ZMYM6: variants seen among roughly 807,000 people sequenced by gnomAD.
ZMYM6 encodes zinc finger MYM-type containing 6.
ZMYM6 carries 90 observed loss-of-function variants against 134.0 expected under a neutral mutation model. That is an observed-to-expected ratio of 0.67 (90% CI 0.57 to 0.80). The LOEUF is 0.80. Among genes scored for constraint, ZMYM6 ranks in the 30% least tolerant of loss-of-function variants. The pLI is 0.00. For synonymous variants in ZMYM6, 481 were observed against 524.1 expected (o/e 0.92, Z 1.12); for missense variants, 1,362 against 1,533.9 (o/e 0.89, Z 1.87).
At chr1:35,013,981 C>T (rs1365457663) in intron 6 of ZMYM6, among the ~76,000 whole-genome samples, 6 of 152,150 alleles carry the variant, frequency 3.9e-5, no homozygotes, top group African/African-American at 9.7e-5. Context: ...TGAGCCACCG[C>T]GCCGGCCTTA....
At chr1:34,996,543 G>T (rs1317736189) in intron 14 of ZMYM6, among the ~76,000 whole-genome samples, 1 of 152,048 alleles carries the variant, frequency 6.6e-6, no homozygotes, top group Non-Finnish European at 1.5e-5. Context: ...TGTCTTCCAG[G>T]GATAGTCTAT....
At chr1:35,015,292 A>ATTTT (rs1641161875) in intron 4 of ZMYM6, 130 bp from the exon 5 acceptor site, 1 of 879,846 alleles carries the variant, frequency 1.1e-6, no homozygotes, top group Admixed American at 3.2e-5. Context: ...GGAATCTGCA[A>ATTTT]ACCTGGGTTT....
intron 4 of ZMYM6, 25 bp downstream of exon 4, chr1:35,019,328 A>G: frequency 6.2e-7 from 1 of 1,614,196 alleles, no homozygotes; most frequent in Non-Finnish European, 8.5e-7. Context: ...AGGTAAAGTA[A>G]AAAGGGATGT....
At position 35,010,980 on chromosome 1, in the gene ZMYM6, G is replaced by T. The variant is rs774887252; in HGVS notation, c.1119C>A (p.Gly373=). 10 of 1,613,840 alleles carry T rather than the reference G, an allele frequency of 6.2e-6. No individual in the cohort carries two copies. The highest frequency in any genetic ancestry group is 8.5e-6 in the Non-Finnish European group (10 of 1,179,950). ...TNSSAVPLSQ[G]QVVVSPPSSR... is the part of the protein sequence containing the mutation. ...AGGAGGGCGGGCTTACAACCACTTG[G>T]CCCTGAGACAGGGGCACCGCCGAAG... Residue 373 remains glycine (G), a synonymous_variant, in exon 9 of 16, where the codon GGC becomes GGA. Coordinates refer to ENST00000357182, the MANE Select transcript of ZMYM6 (RefSeq NM_007167.4).
chr1:35,002,433 T>G (rs1338507095), intron 14 of ZMYM6, among the ~76,000 whole-genome samples: 3 of 152,154 alleles, frequency 2.0e-5, no homozygotes, highest in Admixed American at 6.5e-5. Context: ...TAGTAAACCT[T>G]TTGTCTCACT....
chr1:35,009,232 C>A, intron 10 of ZMYM6, among the ~76,000 whole-genome samples: 1 of 152,120 alleles, frequency 6.6e-6, no homozygotes, highest in Non-Finnish European at 1.5e-5. Flanking sequence ...CTGAGTAGAG[C>A]AGCTGGGATT....
intron 4 of ZMYM6, chr1:35,018,212 T>A (rs12562089): frequency 0.059 from 9,024 of 151,890 alleles, 580 homozygotes; most frequent in East Asian, 0.38. Flanking sequence ...GGCATGGTGG[T>A]ATGCGCCTGT....
chr1:35,026,474 A>C (rs972940156), intron 2 of ZMYM6, among the ~76,000 whole-genome samples: 18 of 152,366 alleles, frequency 1.2e-4, no homozygotes, highest in African/African-American at 3.4e-4. Flanking sequence ...TTTCAATCAT[A>C]GTCTATACCC....
chr1:35,020,525 T>A, intron 2 of ZMYM6, 58 bp from the exon 3 acceptor site: 11 of 1,086,410 alleles, frequency 1.0e-5, no homozygotes, highest in Non-Finnish European at 1.4e-5. Flanking sequence ...GTAAGTAAAC[T>A]AGAAATTCAA....
chr1:35,012,141 A>G, intron 7 of ZMYM6, 136 bp from the exon 8 acceptor site: 1 of 645,254 alleles, frequency 1.5e-6, no homozygotes, highest in Non-Finnish European at 2.4e-6. Flanking sequence ...AAAATCTGAA[A>G]TCTAACCACA....
At chr1:35,003,323 A>G (rs1640912956) in intron 14 of ZMYM6, among the ~76,000 whole-genome samples, 1 of 152,230 alleles carries the variant, frequency 6.6e-6, no homozygotes, top group African/African-American at 2.4e-5. Context: ...CAACAATGCC[A>G]TAATTTGCAA....
chr1:35,014,378 G>C (rs1641144538), intron 6 of ZMYM6, among the ~76,000 whole-genome samples: 1 of 152,160 alleles, frequency 6.6e-6, no homozygotes, highest in Non-Finnish European at 1.5e-5. Flanking sequence ...TGAGGCGAGT[G>C]GATGGCTTGA....
chr1:35,006,842 G>T, intron 12 of ZMYM6, 109 bp downstream of exon 12: 1 of 1,063,150 alleles, frequency 9.4e-7, no homozygotes, highest in Non-Finnish European at 1.2e-6. Flanking sequence ...GGAAATTCAG[G>T]CTATTTGAAT....
At chr1:35,006,896 G>A in intron 12 of ZMYM6, 55 bp downstream of exon 12, 1 of 1,470,778 alleles carries the variant, frequency 6.8e-7, no homozygotes, top group Non-Finnish European at 9.1e-7. Flanking sequence ...AACTGTATAT[G>A]CTGATAGTGT....
chr1:35,030,701 G>A lies in ZMYM6; in HGVS notation c.-62C>T. On this transcript the variant is annotated 5_prime_UTR_variant, in exon 2 of 16. Coordinates refer to ENST00000357182, the MANE Select transcript of ZMYM6 (RefSeq NM_007167.4). ...ACGAATAGATTTCTTCTTGGTAATG[G>A]ATAGTTGGACACCTAAAATACATAC... The A allele has an allele frequency of 1.4e-6, 2 of 1,472,228 alleles. No homozygotes were observed. Among genetic ancestry groups the A allele is most frequent in the Non-Finnish European group, 1.9e-6 (2 of 1,066,838 alleles). The allele number at this position is 1,472,228 out of a possible 1,614,324, so 91.2% of individuals were successfully genotyped here. A position where few individuals can be genotyped will look rare whatever the true frequency, so the allele number is the denominator to read the frequency against.
intron 2 of ZMYM6, among the ~76,000 whole-genome samples, chr1:35,025,123 G>A (rs996224989): frequency 1.0e-4 from 15 of 149,350 alleles, no homozygotes; most frequent in Non-Finnish European, 1.5e-4. Context: ...CACCTACCTC[G>A]GCCTCCCAAA....
Position 35,028,292 on chromosome 1 carries a change from G to A in ZMYM6, c.93+2255C>T, listed in dbSNP as rs181564560. On this transcript the variant is annotated intron_variant, in intron 2 of 15. Transcript: ENST00000357182. ...GATCGCGCCACTGCACTCCAGCCTG[G>A]GAGTGACAGAGCAAGACTCCATCTC... Among the ~76,000 whole-genome samples, 16 of 149,470 alleles carry A rather than the reference G, an allele frequency of 1.1e-4. No homozygotes were observed. In the East Asian group the frequency reaches 2.9e-3, roughly 27 times the overall value.
At chr1:35,007,664 T>C (rs934995425) in intron 11 of ZMYM6, among the ~76,000 whole-genome samples, 12 of 151,800 alleles carry the variant, frequency 7.9e-5, no homozygotes, top group African/African-American at 2.9e-4. Context: ...GGTTCATAAC[T>C]GGGCATGGTG....
chr1:34,987,241 CA>C lies in ZMYM6; in HGVS notation c.3840del (p.Val1281PhefsTer11). On this transcript the variant is annotated frameshift_variant, in exon 16 of 16. Coordinates refer to ENST00000357182, the MANE Select transcript of ZMYM6 (RefSeq NM_007167.4). LOFTEE classifies it high-confidence loss of function. ...GAAAAGGCAGCATCACATAAATAAACAGTTGAAAAGGGTAATAAAAATTTCA... is the reference window on the plus strand; with the variant it reads ...GAAAAGGCAGCATCACATAAATAAACGTTGAAAAGGGTAATAAAAATTTCA... ...RAMKFLLPFS[T>X]VYLCDAAFSA... The C allele has an allele frequency of 6.2e-7, 1 of 1,613,560 alleles. No homozygotes were observed. Among genetic ancestry groups the C allele is most frequent in the Non-Finnish European group, 8.5e-7 (1 of 1,179,872 alleles).
Sources: gnomAD v4.1 joint callset for allele counts (sites outside exome capture counted in the v4.1 genomes callset) on GRCh38, gnomAD v4.1.1 for gene constraint, MANE v1.5 for transcripts, NCBI Gene and HGNC (gene_info 2026-07-23, HGNC 2026-07-21) for gene names.